The following YJU2B variants were observed in gnomAD, a reference collection of about 807,000 sequenced individuals.
The protein encoded by YJU2B is probable splicing factor YJU2B.
Under a neutral mutation model 38.0 loss-of-function variants are expected in YJU2B, and 18 were observed. The observed-to-expected ratio is 0.47, with a 90% CI of 0.33 to 0.70. The LOEUF (loss-of-function observed/expected upper bound fraction) is 0.70, where lower values mean the gene tolerates loss of function less well. Among genes scored for constraint, YJU2B ranks in the 30% least tolerant of loss-of-function variants. The probability of loss-of-function intolerance (pLI) is 0.02; values close to 1 mark genes in which losing one functional copy is unlikely to be tolerated. For synonymous variants in YJU2B, 246 were observed against 225.4 expected, an observed-to-expected ratio of 1.09 and a Z score of -0.82; for missense variants, 538 against 556.3, an observed-to-expected ratio of 0.97 and a Z score of 0.33.
chr19:13,743,591 GA>G (rs915304189), upstream of YJU2B, among the ~76,000 whole-genome samples: 1 of 110,448 alleles, frequency 9.1e-6, no homozygotes, highest in Non-Finnish European at 1.9e-5. Flanking sequence ...AAAAAAAAAA[GA>G]AAAAGAAAAA....
rs576654636 is a variant in YJU2B at position 13,757,433 on chromosome 19, T to C, written c.156T>C (p.Tyr52=). The change falls in exon 5 of 10, where the codon TAT becomes TAC. Residue 52 remains tyrosine (Y), a synonymous_variant. Transcript: ENST00000221554. ...GTCTTTGCAGATTCGAAATGCCATA[T>C]AACATCTGGTGCGATGGCTGCAAGA... is the stretch of plus-strand genomic sequence containing the variant. ...GILIIRFEMP[Y]NIWCDGCKNH... The C allele has an allele frequency of 3.1e-6, 5 of 1,613,914 alleles. No homozygotes were observed. The East Asian group carries it at 6.7e-5, about 22-fold the overall frequency.
chr19:13,760,969 A>G (rs1215528962), intron 8 of YJU2B, among the ~76,000 whole-genome samples: 3 of 151,894 alleles, frequency 2.0e-5, no homozygotes, highest in Admixed American at 6.6e-5. Context: ...GGGTATCACC[A>G]TGTTGGCCAG....
chr19:13,750,416 G>T (rs956684046), intron 1 of YJU2B, among the ~76,000 whole-genome samples: 4 of 152,020 alleles, frequency 2.6e-5, no homozygotes, highest in African/African-American at 9.7e-5. Flanking sequence ...TAGTAGAGAT[G>T]GGGTTTCACC....
chr19:13,747,114 C>G (rs1599505829), upstream of YJU2B, among the ~76,000 whole-genome samples: 1 of 152,202 alleles, frequency 6.6e-6, no homozygotes, highest in Non-Finnish European at 1.5e-5. Flanking sequence ...TCACTCTTCC[C>G]TAGTTAATAA....
chr19:13,731,784 C>T (rs1002494279), exon 1 of YJU2B: 2 of 152,282 alleles, frequency 1.3e-5, no homozygotes, highest in Admixed American at 1.3e-4. Flanking sequence ...TGGCTTCAAC[C>T]AGCGAAGGCT....
rs533264818 is a variant in YJU2B, at chr19:13,759,343, C to G, written c.573+71C>G. The G allele has an allele frequency of 1.6e-5, 20 of 1,258,346 alleles. No individual in the cohort carries two copies. The Middle Eastern group carries it at 7.8e-4, about 49-fold the overall frequency. 77.9% of individuals were successfully genotyped at this position (1,258,346 alleles called of 1,614,324 possible). A position where few individuals can be genotyped will look rare whatever the true frequency, so the allele number is the denominator to read the frequency against. ...CAAGGCCCGGGTCCAGCCCTCCCCC[C>G]ACCACATCCTAGCTTTGAGCAGGCC... On this transcript the variant is annotated intron_variant, in intron 8 of 9. Coordinates refer to ENST00000221554, the MANE Select transcript of YJU2B (RefSeq NM_030818.4).
intron 3 of YJU2B, among the ~76,000 whole-genome samples, chr19:13,755,738 C>T (rs1423492768): frequency 2.6e-5 from 4 of 152,000 alleles, no homozygotes; most frequent in Non-Finnish European, 4.4e-5. Flanking sequence ...AGTGGATCAC[C>T]TGAGGTCAGG....
At chr19:13,752,472 G>A (rs1371328125) in intron 2 of YJU2B, among the ~76,000 whole-genome samples, 1 of 151,722 alleles carries the variant, frequency 6.6e-6, no homozygotes, top group Non-Finnish European at 1.5e-5. Flanking sequence ...GGCTGGGCGC[G>A]GTGGCTCACG....
intron 1 of YJU2B, among the ~76,000 whole-genome samples, chr19:13,748,524 G>A (rs555179924): frequency 1.2e-3 from 181 of 152,264 alleles, no homozygotes; most frequent in Non-Finnish European, 2.2e-3. Flanking sequence ...ACGCCCACCC[G>A]ATAGCCCCGT....
intron 2 of YJU2B, among the ~76,000 whole-genome samples, chr19:13,742,432 A>G (rs1382291490): frequency 6.6e-6 from 1 of 151,620 alleles, no homozygotes; most frequent in Non-Finnish European, 1.5e-5. Flanking sequence ...CCTCCCAAGT[A>G]GCTGGCATTA....
intron 6 of YJU2B, among the ~76,000 whole-genome samples, chr19:13,758,320 G>A (rs1038105040): frequency 1.3e-5 from 2 of 152,206 alleles, no homozygotes; most frequent in African/African-American, 2.4e-5. Flanking sequence ...CTGCTGGGAC[G>A]TCAGCCTTTC....
chr19:13,762,160 A>G (rs1973912137), intron 8 of YJU2B, 139 bp from the exon 9 acceptor site: 6 of 1,004,382 alleles, frequency 6.0e-6, no homozygotes, highest in Non-Finnish European at 7.3e-6. Flanking sequence ...GTGCCACTGC[A>G]CTCCAGTCTG....
chr19:13,742,961 G>A (rs1024521134), upstream of YJU2B, among the ~76,000 whole-genome samples: 6 of 152,166 alleles, frequency 3.9e-5, no homozygotes, highest in Non-Finnish European at 7.3e-5. Flanking sequence ...CAGGTCAGAG[G>A]TCCCTCCTTA....
upstream of YJU2B, among the ~76,000 whole-genome samples, chr19:13,743,526 G>C (rs941367441): frequency 4.8e-4 from 72 of 149,130 alleles, no homozygotes; most frequent in African/African-American, 1.7e-3. Context: ...GTTGCAGTGA[G>C]CCGAGATCAT....
At chr19:13,742,026 T>G (rs920309717) in intron 2 of YJU2B, among the ~76,000 whole-genome samples, 1 of 152,200 alleles carries the variant, frequency 6.6e-6, no homozygotes, top group Non-Finnish European at 1.5e-5. Context: ...CATCTACTCC[T>G]CTCTGTGCAG....
At chr19:13,753,467 G>C (rs886163692) in intron 2 of YJU2B, among the ~76,000 whole-genome samples, 1 of 151,606 alleles carries the variant, frequency 6.6e-6, no homozygotes, top group Non-Finnish European at 1.5e-5. Context: ...CCAGCTACTC[G>C]GGAGGCTGAG....
chr19:13,745,735 A>C (rs866389166), upstream of YJU2B, among the ~76,000 whole-genome samples: 28,156 of 96,962 alleles, frequency 0.29, 4,566 homozygotes, highest in Middle Eastern at 0.43. Context: ...ATCTATATAT[A>C]TATATATAGA....
At chr19:13,760,363 G>A (rs887262710) in intron 8 of YJU2B, among the ~76,000 whole-genome samples, 5 of 152,170 alleles carry the variant, frequency 3.3e-5, no homozygotes, top group African/African-American at 1.2e-4. Flanking sequence ...GTGGCAGAAG[G>A]GACAAACAAG....
upstream of YJU2B, among the ~76,000 whole-genome samples, chr19:13,747,031 A>G (rs380141): frequency 0.61 from 92,024 of 151,934 alleles, 28,097 homozygotes; most frequent in Middle Eastern, 0.72. Context: ...TTGTTAAGCA[A>G]ATAAAAAAGT....
Sources: allele counts gnomAD v4.1 joint callset (sites outside exome capture counted in the v4.1 genomes callset), GRCh38; gene constraint gnomAD v4.1.1; transcripts MANE v1.5; gene names NCBI Gene and HGNC (gene_info 2026-07-23, HGNC 2026-07-21).